DCAF10: variants seen among roughly 807,000 people sequenced by gnomAD.
DCAF10 encodes the protein DDB1- and CUL4-associated factor 10.
Under a neutral mutation model 51.9 loss-of-function variants are expected in DCAF10, and 19 were observed. The ratio of observed to expected loss-of-function variants is 0.37; its 90% CI spans 0.26 to 0.54. The LOEUF (loss-of-function observed/expected upper bound fraction) is 0.54, where lower values mean the gene tolerates loss of function less well. DCAF10 is among the 20% of genes least tolerant of loss of function. DCAF10 has a pLI of 0.87. For synonymous variants in DCAF10, 291 were observed against 297.1 expected, an observed-to-expected ratio of 0.98 and a Z score of 0.21; for missense variants, 510 against 730.6, an observed-to-expected ratio of 0.70 and a Z score of 3.48.
intron 3 of DCAF10, among the ~76,000 whole-genome samples, chr9:37,852,421 G>T (rs1271524821): frequency 6.6e-6 from 1 of 152,122 alleles, no homozygotes; most frequent in Non-Finnish European, 1.5e-5. Flanking sequence ...AACACAGCAA[G>T]ACCCCATCTC....
intron 1 of DCAF10, among the ~76,000 whole-genome samples, chr9:37,805,953 C>T (rs932382397): frequency 7.9e-5 from 12 of 151,974 alleles, no homozygotes; most frequent in East Asian, 3.9e-4. Flanking sequence ...GTTGTGGTGA[C>T]GTGTCCCTTT....
At chr9:37,850,827 TATATATATATATATATATA>T (rs1228250264) in intron 3 of DCAF10, among the ~76,000 whole-genome samples, 41 of 66,060 alleles carry the variant, frequency 6.2e-4, no homozygotes, top group East Asian at 3.4e-3. Flanking sequence ...GGATATATTT[TATATATATATATATATATA>T]TATATATATA....
chr9:37,800,624 C>T (rs1363675397), upstream of DCAF10: 10 of 1,536,136 alleles, frequency 6.5e-6, no homozygotes, highest in East Asian at 2.4e-5. Context: ...GATCAGGTGC[C>T]CAGATGCTCA....
intron 6 of DCAF10, 39 bp downstream of exon 6, chr9:37,860,232 G>A: frequency 6.2e-7 from 1 of 1,611,388 alleles, no homozygotes; most frequent in Non-Finnish European, 8.5e-7. Flanking sequence ...AGGGCTCATT[G>A]GACAAATTGC....
At position 37,829,702 on chromosome 9, in the gene DCAF10, AT is replaced by A. The variant is rs909193045; in HGVS notation, c.653+10310del. Among the ~76,000 whole-genome samples the A allele has an allele frequency of 4.0e-5, 6 of 151,526 alleles. No individual in the cohort carries two copies. The highest frequency in any genetic ancestry group is 1.5e-4 in the African/African-American group (6 of 41,232). On this transcript the variant is annotated intron_variant, in intron 2 of 6. Coordinates refer to ENST00000377724, the MANE Select transcript of DCAF10 (RefSeq NM_024345.5). The surrounding 1 kb of genome is among the most constrained non-coding windows in gnomAD (Gnocchi z 4.2). ...CAATATATGGTAAAGCTGAAGATTA[AT>A]TTTTTTTTAATAATTGATGCAGGCT... is the stretch of plus-strand genomic sequence containing the variant.
chr9:37,831,213 T>G (rs895904268), intron 2 of DCAF10, among the ~76,000 whole-genome samples: 2 of 148,520 alleles, frequency 1.3e-5, no homozygotes, highest in African/African-American at 2.5e-5. Context: ...CGAGACTCTG[T>G]CTCAAAAAAA....
At chr9:37,839,911 T>G (rs183706005) in intron 2 of DCAF10, among the ~76,000 whole-genome samples, 2 of 152,242 alleles carry the variant, frequency 1.3e-5, no homozygotes, top group Non-Finnish European at 2.9e-5. Context: ...GCACCATGTG[T>G]ATTGTATACT....
chr9:37,858,585 A>G (rs1830920054), intron 5 of DCAF10: 1 of 152,210 alleles, frequency 6.6e-6, no homozygotes, highest in Admixed American at 6.5e-5. Context: ...GAGGGAAGAG[A>G]TGATATATGA....
At chr9:37,820,458 G>A (rs1829669657) in intron 2 of DCAF10, among the ~76,000 whole-genome samples, 1 of 152,156 alleles carries the variant, frequency 6.6e-6, no homozygotes, top group African/African-American at 2.4e-5. Flanking sequence ...GAAGTCCGGG[G>A]TTTGGTTAAA....
At position 37,865,803 on chromosome 9, in the gene DCAF10, G is replaced by A. The variant is rs1002759486; in HGVS notation, c.*4295G>A. ...TGTTATTTCTCCTTGCTATATTCCT[G>A]AGACTATACTAAAAACTTTAAGAAA... On this transcript the variant is annotated 3_prime_UTR_variant, in exon 7 of 7. Transcript: ENST00000377724. The A allele has an allele frequency of 8.6e-5, 13 of 151,936 alleles. No homozygotes were observed. The highest frequency in any genetic ancestry group is 3.1e-4 in the African/African-American group (13 of 41,308). 9.4% of individuals were successfully genotyped at this position (151,936 alleles called of 1,614,324 possible).
At chr9:37,832,780 C>T (rs1830044224) in intron 2 of DCAF10, among the ~76,000 whole-genome samples, 1 of 152,202 alleles carries the variant, frequency 6.6e-6, no homozygotes, top group Non-Finnish European at 1.5e-5. Flanking sequence ...ATGTGAATAA[C>T]TCACAGGACT....
rs1038299681 is a variant in DCAF10 at position 37,807,359 on chromosome 9, T to C, written c.539+5954T>C. On this transcript the variant is annotated intron_variant, in intron 1 of 6. Coordinates refer to ENST00000377724, the MANE Select transcript of DCAF10 (RefSeq NM_024345.5). ...GTGATTTTTTTTAACGTATCATGACTACAAGTTATTTAATGACTATAAATT... is the reference window on the plus strand; with the variant it reads ...GTGATTTTTTTTAACGTATCATGACCACAAGTTATTTAATGACTATAAATT... 2.6e-4 allele frequency among the ~76,000 whole-genome samples: 39 copies of C among 152,282 alleles called. 1 individual carries two copies. Among genetic ancestry groups the C allele is most frequent in the African/African-American group, 9.1e-4 (38 of 41,568 alleles).
At position 37,861,178 on chromosome 9, in the gene DCAF10, G is replaced by A. The variant is rs1384698316; in HGVS notation, c.1350G>A (p.Val450=). The A allele has an allele frequency of 2.5e-6, 4 of 1,606,236 alleles. No individual in the cohort carries two copies. Among genetic ancestry groups the A allele is most frequent in the South Asian group, 2.2e-5 (2 of 91,010 alleles). ...ATGAATTCCAAGAAGGAGCTCCAGT[G>A]CGACCTGTCTCACCTCGCTGTTCTC... ...CVYEFQEGAP[V]RPVSPRCSLR... Residue 450 remains valine (V), a synonymous_variant, in exon 7 of 7, where the codon GTG becomes GTA. Transcript: ENST00000377724. This position sits in a 1 kb window ranked among gnomAD's most constrained non-coding sequence, Gnocchi z 4.9.
rs1829941424 is a variant in DCAF10 at position 37,829,285 on chromosome 9, C to G, written c.653+9884C>G. Among the ~76,000 whole-genome samples the G allele has an allele frequency of 6.6e-6, 1 of 151,866 alleles. No homozygotes were observed. Among genetic ancestry groups the G allele is most frequent in the Admixed American group, 6.6e-5 (1 of 15,254 alleles). ...AGAAACCCCGTCTCTACTAAAAATA[C>G]AAAAATTAGCCGGGCATGGTCGTGC... is the stretch of plus-strand genomic sequence containing the variant. On this transcript the variant is annotated intron_variant, in intron 2 of 6. Coordinates refer to ENST00000377724, the MANE Select transcript of DCAF10 (RefSeq NM_024345.5). The surrounding 1 kb of genome is among the most constrained non-coding windows in gnomAD (Gnocchi z 4.2).
chr9:37,836,021 C>A (rs1406424439), intron 2 of DCAF10: 7 of 1,036,230 alleles, frequency 6.8e-6, no homozygotes, highest in Non-Finnish European at 1.1e-5. Context: ...CACACGGCCC[C>A]AAACGCCGTC....
intron 3 of DCAF10, among the ~76,000 whole-genome samples, chr9:37,847,536 T>C (rs1223162418): frequency 6.6e-6 from 1 of 152,176 alleles, no homozygotes; most frequent in South Asian, 2.1e-4. Context: ...TAAAAGGGAA[T>C]GTATTCAAAA....
intron 2 of DCAF10, among the ~76,000 whole-genome samples, chr9:37,819,812 C>T (rs1829650570): frequency 6.6e-6 from 1 of 152,144 alleles, no homozygotes. Context: ...AGTACATGCA[C>T]AGACAATTTC....
In DCAF10 at chr9:37,851,099, C is replaced by G. The variant is rs7851256; in HGVS notation, c.852-3681C>G. Among the ~76,000 whole-genome samples, 1,284 of 151,456 alleles carry G rather than the reference C, an allele frequency of 8.5e-3. 15 individuals are homozygous for G. Among genetic ancestry groups the G allele is most frequent in the African/African-American group, 0.029 (1,201 of 41,294 alleles). ...TCTGTACTGAAAATACAAAGAGTAG[C>G]CGGGTGTGGTGCCACACACCTGTAA... is the stretch of plus-strand genomic sequence containing the variant. On this transcript the variant is annotated intron_variant, in intron 3 of 6. Transcript: ENST00000377724.
intron 3 of DCAF10, among the ~76,000 whole-genome samples, chr9:37,849,788 G>A (rs1456052865): frequency 1.3e-5 from 2 of 152,170 alleles, no homozygotes; most frequent in Non-Finnish European, 2.9e-5. Context: ...GCTGAGGAAG[G>A]AGAATCGCTT....
Sources: gnomAD v4.1 joint callset for allele counts (sites outside exome capture counted in the v4.1 genomes callset) on GRCh38, gnomAD v4.1.1 for gene constraint, Gnocchi (gnomAD v3.1) non-coding constraint, MANE v1.5 for transcripts, NCBI Gene and HGNC (gene_info 2026-07-23, HGNC 2026-07-21) for gene names.